The following ABCC4 variants were observed in gnomAD, a reference collection of about 807,000 sequenced individuals.
The protein encoded by ABCC4 is ATP-binding cassette sub-family C member 4.
A neutral mutation model predicts 168.5 loss-of-function variants in ABCC4; 102 were observed. The observed-to-expected ratio is 0.61, with a 90% CI of 0.52 to 0.71. ABCC4 has a LOEUF of 0.71. Ranked by LOEUF, ABCC4 falls within the 30% of genes least tolerant of loss-of-function variation. ABCC4 has a pLI of 0.00. For missense variants in ABCC4, 1,402 were observed against 1,605.8 expected (o/e 0.87, Z 2.17); for synonymous variants, 617 against 590.7 (o/e 1.04, Z -0.65).
At chr13:95,232,325 TG>T (rs1363424864) in intron 4 of ABCC4, among the ~76,000 whole-genome samples, 2 of 152,092 alleles carry the variant, frequency 1.3e-5, no homozygotes, top group South Asian at 2.1e-4. Context: ...AAGGAAGACT[TG>T]GGGAGGACAC....
At chr13:95,047,240 T>C (rs751155767) in intron 27 of ABCC4, among the ~76,000 whole-genome samples, 8 of 152,334 alleles carry the variant, frequency 5.3e-5, no homozygotes, top group Admixed American at 1.3e-4. Flanking sequence ...CCTGCCTGGC[T>C]CTGCCAACTG....
At chr13:95,242,720 C>T (rs1292421450) in intron 3 of ABCC4, among the ~76,000 whole-genome samples, 1 of 152,200 alleles carries the variant, frequency 6.6e-6, no homozygotes, top group African/African-American at 2.4e-5. Flanking sequence ...CCCAAAACAA[C>T]ACCTGAAATG....
chr13:95,085,264 C>A (rs1297589164), intron 20 of ABCC4, among the ~76,000 whole-genome samples: 1 of 132,400 alleles, frequency 7.6e-6, no homozygotes, highest in Non-Finnish European at 1.6e-5. Context: ...CGTGGTGAAA[C>A]CCTATCTCTA....
At chr13:95,064,143 G>A (rs1487597514) in intron 25 of ABCC4, among the ~76,000 whole-genome samples, 16 of 151,564 alleles carry the variant, frequency 1.1e-4, no homozygotes, top group African/African-American at 3.9e-4. Flanking sequence ...TTTAAAAAGT[G>A]GCTTTAGCTA....
intron 26 of ABCC4, among the ~76,000 whole-genome samples, chr13:95,058,870 C>T (rs755465708): frequency 3.3e-5 from 5 of 152,160 alleles, no homozygotes; most frequent in South Asian, 2.1e-4. Context: ...AGCAGGAGCC[C>T]GGCCAAGCAG....
chr13:95,079,362 C>T (rs924091136), intron 21 of ABCC4, among the ~76,000 whole-genome samples: 2 of 152,222 alleles, frequency 1.3e-5, no homozygotes, highest in African/African-American at 4.8e-5. Context: ...ATCTGGTCTA[C>T]CAGTCTTGCT....
chr13:95,092,784 C>T (rs191247326), intron 20 of ABCC4, among the ~76,000 whole-genome samples: 1 of 152,068 alleles, frequency 6.6e-6, no homozygotes, highest in East Asian at 1.9e-4. Flanking sequence ...ATAAATAAAA[C>T]AAAAAGCTGG....
At chr13:95,287,269 G>T (rs1386521580) in intron 1 of ABCC4, among the ~76,000 whole-genome samples, 1 of 151,088 alleles carries the variant, frequency 6.6e-6, no homozygotes, top group East Asian at 2.0e-4. Context: ...TCCAGCCTGG[G>T]CAACAGAGCA....
At chr13:95,177,941 C>T in intron 12 of ABCC4, 56 bp downstream of exon 12, 2 of 1,574,710 alleles carry the variant, frequency 1.3e-6, no homozygotes, top group Middle Eastern at 1.7e-4. Flanking sequence ...ATGTGCTCAC[C>T]ACCACTGGAA....
chr13:95,152,606 A>T (rs2036725436), intron 19 of ABCC4, among the ~76,000 whole-genome samples: 1 of 152,206 alleles, frequency 6.6e-6, no homozygotes. Context: ...ACACTATCAA[A>T]AACTTGATAA....
intron 30 of ABCC4, among the ~76,000 whole-genome samples, chr13:95,033,145 T>C (rs2031961289): frequency 6.6e-6 from 1 of 151,976 alleles, no homozygotes; most frequent in Non-Finnish European, 1.5e-5. Context: ...GATTTTTATA[T>C]TTTTAGTAGA....
At chr13:95,247,216 C>T (rs760321584) in intron 2 of ABCC4, 121 bp from the exon 3 acceptor site, 2 of 1,105,198 alleles carry the variant, frequency 1.8e-6, no homozygotes, top group Non-Finnish European at 2.6e-6. Flanking sequence ...TTCATAAATG[C>T]TACTAATTGC....
In ABCC4 at chr13:95,044,503, T is replaced by TA. The variant is rs2032494766; in HGVS notation, c.3457-66dup. ...CCGCTATGGAAGTAGTCAAGCCTCATAGACATTAGAACCTTCAAGTCCCTT... is the reference window on the plus strand; with the variant it reads ...CCGCTATGGAAGTAGTCAAGCCTCATAAGACATTAGAACCTTCAAGTCCCTT... On this transcript the variant is annotated intron_variant, in intron 27 of 30. Coordinates refer to ENST00000645237, the MANE Select transcript of ABCC4 (RefSeq NM_005845.5). 3 of 1,457,360 alleles carry TA rather than the reference T, an allele frequency of 2.1e-6. No homozygotes were observed. In the Admixed American group the frequency reaches 6.2e-5, roughly 30 times the overall value. The allele number at this position is 1,457,360 out of a possible 1,614,324, so 90.3% of individuals were successfully genotyped here.
At chr13:95,170,390 C>T in intron 14 of ABCC4, 142 bp downstream of exon 14, 1 of 539,028 alleles carries the variant, frequency 1.9e-6, no homozygotes. Flanking sequence ...GTAATAATGA[C>T]ATTTCTACAA....
chr13:95,291,697 T>C (rs766048302), intron 1 of ABCC4, among the ~76,000 whole-genome samples: 6 of 152,216 alleles, frequency 3.9e-5, no homozygotes, highest in Non-Finnish European at 8.8e-5. Context: ...GTGTCCAATA[T>C]AGCTCAACTG....
At chr13:95,116,734 A>G (rs1386809871) in intron 19 of ABCC4, among the ~76,000 whole-genome samples, 1 of 152,234 alleles carries the variant, frequency 6.6e-6, no homozygotes, top group Non-Finnish European at 1.5e-5. Context: ...AAGGCATCAC[A>G]AACAGATCAA....
At chr13:95,210,155 A>T (rs943288) in intron 5 of ABCC4, among the ~76,000 whole-genome samples, 129,409 of 152,266 alleles carry the variant, frequency 0.85, 55,313 homozygotes, top group African/African-American at 0.91. Flanking sequence ...ATGCCCTGGA[A>T]AAATGATACC....
intron 6 of ABCC4, among the ~76,000 whole-genome samples, chr13:95,208,235 T>C (rs1319971023): frequency 2.0e-5 from 3 of 150,990 alleles, no homozygotes; most frequent in Admixed American, 6.7e-5. Flanking sequence ...CACCCGAGCC[T>C]GACGATAACA....
At chr13:95,082,605 A>T (rs994035732) in intron 21 of ABCC4, among the ~76,000 whole-genome samples, 1 of 152,198 alleles carries the variant, frequency 6.6e-6, no homozygotes, top group African/African-American at 2.4e-5. Flanking sequence ...AACGTTTAAA[A>T]CTGCAACTTC....
Sources: allele counts gnomAD v4.1 joint callset (sites outside exome capture counted in the v4.1 genomes callset), GRCh38; gene constraint gnomAD v4.1.1; transcripts MANE v1.5; gene names NCBI Gene and HGNC (gene_info 2026-07-23, HGNC 2026-07-21).